PDZD8: variants seen among roughly 807,000 people sequenced by gnomAD.
PDZD8 encodes PDZ domain containing 8.
A neutral mutation model predicts 85.8 loss-of-function variants in PDZD8; 14 were observed. The ratio of observed to expected loss-of-function variants is 0.16; its 90% confidence interval spans 0.11 to 0.26. PDZD8 has a LOEUF of 0.26. Among genes scored for constraint, PDZD8 ranks in the 10% least tolerant of loss-of-function variants. The probability of loss-of-function intolerance (pLI) is 1.00; values close to 1 mark genes in which losing one functional copy is unlikely to be tolerated. For missense variants in PDZD8, 1,197 were observed against 1,424.3 expected, an observed-to-expected ratio of 0.84 and a Z score of 2.57; for synonymous variants, 592 against 568.6, an observed-to-expected ratio of 1.04 and a Z score of -0.59.
In PDZD8 at chr10:117,281,057, T is replaced by C. The variant is rs909772639; in HGVS notation, c.*2211A>G. 5.3e-5 allele frequency: 8 copies of C among 152,228 alleles called. No homozygotes were observed. Among genetic ancestry groups the C allele is most frequent in the African/African-American group, 1.9e-4 (8 of 41,456 alleles). The allele number at this position is 152,228 out of a possible 1,614,324, so 9.4% of individuals were successfully genotyped here. On this transcript the variant is annotated 3_prime_UTR_variant, in exon 5 of 5. Coordinates refer to ENST00000334464, the MANE Select transcript of PDZD8 (RefSeq NM_173791.5). Reference sequence around the variant, plus strand: ...GGAATTTGGTGTGTAAATTCTTCTATAGCAGTGTTCTTTTAAAATAAGATC... The same window carrying C: ...GGAATTTGGTGTGTAAATTCTTCTACAGCAGTGTTCTTTTAAAATAAGATC...
intron 3 of PDZD8, among the ~76,000 whole-genome samples, chr10:117,298,731 GGTTGATCGATTC>G (rs1843797071): frequency 6.6e-6 from 1 of 151,754 alleles, no homozygotes; most frequent in Non-Finnish European, 1.5e-5. Flanking sequence ...GAAGCTACAA[GGTTGATCGATTC>G]TAAAACTAAA....
chr10:117,357,006 A>C (rs966117155), intron 1 of PDZD8, among the ~76,000 whole-genome samples: 15 of 152,238 alleles, frequency 9.9e-5, no homozygotes, highest in African/African-American at 3.6e-4. Flanking sequence ...AAAGCAGTAA[A>C]ATGTTTAAAG....
intron 2 of PDZD8, among the ~76,000 whole-genome samples, chr10:117,322,465 G>T (rs1281240215): frequency 6.6e-6 from 1 of 152,126 alleles, no homozygotes. Context: ...CTGTGAGAAG[G>T]CACTTGACTT....
chr10:117,372,376 A>T (rs1366185889), intron 1 of PDZD8, among the ~76,000 whole-genome samples: 1 of 150,924 alleles, frequency 6.6e-6, no homozygotes, highest in Non-Finnish European at 1.5e-5. Context: ...TTCATAACTT[A>T]CTTCAGATTT....
At chr10:117,351,267 C>G (rs996576802) in intron 1 of PDZD8, among the ~76,000 whole-genome samples, 1 of 152,162 alleles carries the variant, frequency 6.6e-6, no homozygotes, top group South Asian at 2.1e-4. Flanking sequence ...CAAAAATGGA[C>G]AGACTGAAGT....
intron 3 of PDZD8, among the ~76,000 whole-genome samples, chr10:117,306,631 G>T (rs1040530160): frequency 6.6e-6 from 1 of 151,018 alleles, no homozygotes; most frequent in Non-Finnish European, 1.5e-5. Context: ...AAGGAAGTAT[G>T]AGAGCCTTAG....
intron 3 of PDZD8, among the ~76,000 whole-genome samples, chr10:117,298,525 GTTC>G (rs1843793172): frequency 6.6e-6 from 1 of 151,964 alleles, no homozygotes; most frequent in South Asian, 2.1e-4. Flanking sequence ...ACTGTTTTTA[GTTC>G]TTCTACATAA....
intron 3 of PDZD8, among the ~76,000 whole-genome samples, chr10:117,294,394 C>A (rs917796719): frequency 2.0e-5 from 3 of 151,286 alleles, no homozygotes; most frequent in African/African-American, 7.3e-5. Flanking sequence ...AACTCCTATA[C>A]ACTGTTAGTG....
chr10:117,360,621 C>G (rs1844981120), intron 1 of PDZD8, among the ~76,000 whole-genome samples: 1 of 151,990 alleles, frequency 6.6e-6, no homozygotes, highest in African/African-American at 2.4e-5. Context: ...AGCAGCTTGT[C>G]TGTGATCACA....
chr10:117,371,881 T>G (rs1039201236), intron 1 of PDZD8, among the ~76,000 whole-genome samples: 12 of 152,176 alleles, frequency 7.9e-5, no homozygotes, highest in African/African-American at 2.9e-4. Flanking sequence ...AGGTCGAAGC[T>G]GCCGTGAGCC....
intron 1 of PDZD8, among the ~76,000 whole-genome samples, chr10:117,362,674 C>G (rs981264891): frequency 1.2e-4 from 18 of 151,998 alleles, no homozygotes; most frequent in Admixed American, 1.1e-3. Flanking sequence ...GAGTAAGCAA[C>G]TTACTCAAAT....
chr10:117,347,839 A>C (rs942015123), intron 1 of PDZD8, among the ~76,000 whole-genome samples: 20 of 152,216 alleles, frequency 1.3e-4, no homozygotes, highest in African/African-American at 4.3e-4. Context: ...GTACGTCCTG[A>C]AGCCACAAGG....
chr10:117,285,412 C>G lies in PDZD8; in HGVS notation c.1321G>C (p.Val441Leu). Reference protein sequence around the residue: ...LKLIKQAGDRVLVYYERPVGQ... With the variant: ...LKLIKQAGDRLLVYYERPVGQ... ...ACAGGCCTTTCATAGTACACCAGGA[C>G]TCGGTCACCAGCCTGCTTGATAAGC... The change falls in exon 5 of 5, where the codon GTC becomes CTC. Residue 441 changes from valine to leucine, a missense_variant. Coordinates refer to ENST00000334464, the MANE Select transcript of PDZD8 (RefSeq NM_173791.5). The G allele has an allele frequency of 6.2e-7, 1 of 1,613,200 alleles. No individual in the cohort carries two copies. The highest frequency in any genetic ancestry group is 8.5e-7 in the Non-Finnish European group (1 of 1,179,172).
At chr10:117,305,152 C>T (rs1047316153) in intron 3 of PDZD8, among the ~76,000 whole-genome samples, 3 of 152,104 alleles carry the variant, frequency 2.0e-5, no homozygotes, top group Non-Finnish European at 4.4e-5. Context: ...GTGGCTGATG[C>T]CTATAATCCC....
chr10:117,315,854 A>C (rs979675074), intron 3 of PDZD8, among the ~76,000 whole-genome samples: 2 of 152,296 alleles, frequency 1.3e-5, no homozygotes, highest in Admixed American at 6.5e-5. Flanking sequence ...ACAGATATTT[A>C]TAGATATTTT....
chr10:117,352,909 G>A (rs1247719831), intron 1 of PDZD8, among the ~76,000 whole-genome samples: 1 of 152,102 alleles, frequency 6.6e-6, no homozygotes, highest in Admixed American at 6.6e-5. Flanking sequence ...CCAGCTAACA[G>A]GGGCTTGCTG....
At position 117,355,384 on chromosome 10, in the gene PDZD8, A is replaced by G. The variant is rs2133869610; in HGVS notation, c.873-14282T>C. ...TATGCTCTGTTTTACTACTAGCCAT[A>G]CTATTTATGTATCTGTCTCCATCTT... On this transcript the variant is annotated intron_variant, in intron 1 of 4. Coordinates refer to ENST00000334464, the MANE Select transcript of PDZD8 (RefSeq NM_173791.5). 2.0e-5 allele frequency among the ~76,000 whole-genome samples: 3 copies of G among 152,316 alleles called. No homozygotes were observed. In the South Asian group the frequency reaches 6.2e-4, roughly 32 times the overall value.
Position 117,374,472 on chromosome 10 carries a change from G to A in PDZD8, c.756C>T (p.Asp252=), listed in dbSNP as rs781008490. 52 of 1,614,142 alleles carry A rather than the reference G, an allele frequency of 3.2e-5. No individual in the cohort carries two copies. The highest frequency in any genetic ancestry group is 4.2e-5 in the Non-Finnish European group (50 of 1,179,994). ...FFSFVEDPLI[D]FEVRSQFEGR... is the part of the protein sequence containing the mutation. ...CTTCAAACTGGGAGCGCACCTCGAAGTCGATCAGCGGGTCTTCCACGAAGG... is the reference window on the plus strand; with the variant it reads ...CTTCAAACTGGGAGCGCACCTCGAAATCGATCAGCGGGTCTTCCACGAAGG... The change falls in exon 1 of 5, where the codon GAC becomes GAT. Residue 252 remains aspartate, a synonymous_variant. Coordinates refer to ENST00000334464, the MANE Select transcript of PDZD8 (RefSeq NM_173791.5). This position sits in a 1 kb window ranked among gnomAD's most constrained non-coding sequence, Gnocchi z 7.8.
At chr10:117,360,874 T>C (rs1844985225) in intron 1 of PDZD8, among the ~76,000 whole-genome samples, 1 of 152,162 alleles carries the variant, frequency 6.6e-6, no homozygotes, top group Non-Finnish European at 1.5e-5. Context: ...GCAGTTCTTA[T>C]ACATTTTGTT....
Sources: allele counts gnomAD v4.1 joint callset (sites outside exome capture counted in the v4.1 genomes callset), GRCh38; gene constraint gnomAD v4.1.1; non-coding constraint Gnocchi (gnomAD v3.1); transcripts MANE v1.5; gene names NCBI Gene and HGNC (gene_info 2026-07-23, HGNC 2026-07-21).